The following PLEKHG7 variants were observed in gnomAD, a reference collection of about 807,000 sequenced individuals.
PLEKHG7 encodes pleckstrin homology domain-containing family G member 7.
PLEKHG7 carries 77 observed loss-of-function variants against 85.2 expected under a neutral mutation model. That is an observed-to-expected ratio of 0.90 (90% confidence interval 0.75 to 1.09). PLEKHG7 has a LOEUF of 1.09. PLEKHG7 is among the 50% of genes least tolerant of loss of function. The probability of loss-of-function intolerance (pLI) is 0.00; values close to 1 mark genes in which losing one functional copy is unlikely to be tolerated. For synonymous variants in PLEKHG7, 301 were observed against 302.4 expected, an observed-to-expected ratio of 1.00 and a Z score of 0.05; for missense variants, 777 against 804.3, an observed-to-expected ratio of 0.97 and a Z score of 0.41.
chr12:92,744,765 A>G (rs1005097305), intron 9 of PLEKHG7, among the ~76,000 whole-genome samples: 1 of 151,782 alleles, frequency 6.6e-6, no homozygotes, highest in African/African-American at 2.4e-5. Flanking sequence ...TCCTGGGTTC[A>G]AGCAATTATC....
At chr12:92,728,656 C>T (rs915455771) in intron 3 of PLEKHG7, among the ~76,000 whole-genome samples, 3 of 151,990 alleles carry the variant, frequency 2.0e-5, no homozygotes. Flanking sequence ...CATTGATAGA[C>T]ACTTAGGTCA....
At chr12:92,732,204 A>G (rs1033522942) in intron 4 of PLEKHG7, 29 bp from the exon 5 acceptor site, 9 of 1,215,634 alleles carry the variant, frequency 7.4e-6, no homozygotes, top group Non-Finnish European at 9.2e-6. Flanking sequence ...AAGTACTCGT[A>G]ATAATATATT....
rs2136567022 is a variant in PLEKHG7 at position 92,706,772 on chromosome 12, C to T, written c.141C>T (p.Thr47=). 8.1e-6 allele frequency: 13 copies of T among 1,614,036 alleles called. No individual in the cohort carries two copies. Among genetic ancestry groups the T allele is most frequent in the Non-Finnish European group, 1.1e-5 (13 of 1,180,024 alleles). Reference sequence around the variant, plus strand: ...GGCAAGCCCCAGGCCGCATCTCCACCTCGCCCACTTTGAGGAGATTAAGGA... The same window carrying T: ...GGCAAGCCCCAGGCCGCATCTCCACTTCGCCCACTTTGAGGAGATTAAGGA... ...FDRQAPGRIS[T]SPTLRRLRTR... Residue 47 remains threonine (T), a synonymous_variant, in exon 2 of 17, where the codon ACC becomes ACT. Transcript: ENST00000344636.
chr12:92,736,608 GA>G (rs1872157122), intron 6 of PLEKHG7, 31 bp downstream of exon 6: 2 of 1,195,208 alleles, frequency 1.7e-6, no homozygotes, highest in African/African-American at 1.6e-5. Flanking sequence ...TATGGGGTTT[GA>G]CTTTTTCTTT....
Position 92,706,562 on chromosome 12 carries a change from A to C in PLEKHG7, c.-70A>C. ...TGGATGCAGAAATTGAGCACCCTCC[A>C]TGTGATCCAGAGAACAGCAACTCAT... On this transcript the variant is annotated 5_prime_UTR_variant, in exon 2 of 17. The change abolishes an upstream ATG in the 5' untranslated region. Coordinates refer to ENST00000344636, the MANE Select transcript of PLEKHG7 (RefSeq NM_001377329.1). 1.3e-6 allele frequency: 2 copies of C among 1,508,184 alleles called. No individual in the cohort carries two copies. Among genetic ancestry groups the C allele is most frequent in the South Asian group, 1.4e-5 (1 of 73,916 alleles). The allele number at this position is 1,508,184 out of a possible 1,614,324, so 93.4% of individuals were successfully genotyped here.
At chr12:92,743,476 A>G (rs1244593305) in intron 9 of PLEKHG7, among the ~76,000 whole-genome samples, 3 of 152,116 alleles carry the variant, frequency 2.0e-5, no homozygotes, top group Non-Finnish European at 4.4e-5. Flanking sequence ...TAGAGAGGTT[A>G]CATAATTTAG....
At chr12:92,715,952 C>T (rs1871474530) in intron 3 of PLEKHG7, among the ~76,000 whole-genome samples, 3 of 152,160 alleles carry the variant, frequency 2.0e-5, no homozygotes, top group African/African-American at 7.2e-5. Context: ...TGTGCTGACC[C>T]CTGGCCTATA....
At chr12:92,748,882 C>T (rs775191431) in intron 10 of PLEKHG7, among the ~76,000 whole-genome samples, 1 of 152,220 alleles carries the variant, frequency 6.6e-6, no homozygotes, top group Non-Finnish European at 1.5e-5. Flanking sequence ...AGTGTTTGAG[C>T]CCTTGCTATG....
intron 9 of PLEKHG7, among the ~76,000 whole-genome samples, chr12:92,744,942 C>T (rs1385069338): frequency 1.3e-5 from 2 of 152,206 alleles, no homozygotes; most frequent in Admixed American, 1.3e-4. Flanking sequence ...GCTAGGATTA[C>T]AGGCGTGAGC....
intron 5 of PLEKHG7, among the ~76,000 whole-genome samples, chr12:92,732,553 T>C (rs1038227139): frequency 2.0e-5 from 3 of 152,228 alleles, no homozygotes; most frequent in African/African-American, 7.2e-5. Flanking sequence ...ACTAAATTTA[T>C]AACTTGCTGC....
rs201626185 is a variant in PLEKHG7, at chr12:92,716,110, T to TG, written c.530+8438_530+8439insG. On this transcript the variant is annotated intron_variant, in intron 3 of 16. Coordinates refer to ENST00000344636, the MANE Select transcript of PLEKHG7 (RefSeq NM_001377329.1). ...TGTTTTGTTTTGTTTTGTTTTGTTT[T>TG]TTTTGAGACAGAGTCTTGCTCTGTC... Among the ~76,000 whole-genome samples, 205 of 151,578 alleles carry TG rather than the reference T, an allele frequency of 1.4e-3. 1 individual carries two copies. Among genetic ancestry groups the TG allele is most frequent in the African/African-American group, 4.7e-3 (195 of 41,192 alleles).
intron 3 of PLEKHG7, among the ~76,000 whole-genome samples, chr12:92,723,329 A>G (rs1287287177): frequency 6.6e-6 from 1 of 152,208 alleles, no homozygotes; most frequent in Non-Finnish European, 1.5e-5. Context: ...GATAAGGAAA[A>G]TATGACATGA....
intron 7 of PLEKHG7, among the ~76,000 whole-genome samples, chr12:92,737,848 A>G (rs1872222279): frequency 6.7e-6 from 1 of 150,206 alleles, no homozygotes; most frequent in Non-Finnish European, 1.5e-5. Context: ...TTTATTTGTC[A>G]TTTATTTTTG....
chr12:92,709,008 G>GA lies in PLEKHG7; in HGVS notation c.530+1345dup, dbSNP rs1025536249. Among the ~76,000 whole-genome samples the GA allele has an allele frequency of 3.6e-4, 55 of 151,642 alleles. 2 individuals carry two copies. Among genetic ancestry groups the GA allele is most frequent in the Non-Finnish European group, 2.1e-4 (14 of 67,854 alleles). The stretch of plus-strand genomic sequence containing the variant: ...AAGAAAGTGGAAAAGGGTAGTCTTA[G>GA]AAAAAAAAATTATGTTTAGAGTCGA... On this transcript the variant is annotated intron_variant, in intron 3 of 16. Transcript: ENST00000344636.
chr12:92,728,785 T>C (rs531216779), intron 3 of PLEKHG7, among the ~76,000 whole-genome samples: 15 of 152,186 alleles, frequency 9.9e-5, no homozygotes, highest in Non-Finnish European at 2.2e-4. Context: ...CTGGGTTGAA[T>C]GGTAGTTCTA....
intron 15 of PLEKHG7, among the ~76,000 whole-genome samples, chr12:92,767,900 CACTG>C (rs1592691538): frequency 6.6e-6 from 1 of 152,090 alleles, no homozygotes; most frequent in African/African-American, 2.4e-5. Context: ...TGTTTCTAAA[CACTG>C]ACTATAGAAA....
intron 5 of PLEKHG7, among the ~76,000 whole-genome samples, chr12:92,735,943 A>C (rs184790520): frequency 1.6e-4 from 25 of 152,332 alleles, no homozygotes; most frequent in Admixed American, 1.6e-3. Flanking sequence ...TGACTATAAC[A>C]AAAATAAGTG....
In PLEKHG7 at chr12:92,718,566, G is replaced by C. The variant is rs1871553068; in HGVS notation, c.531-10427G>C. On this transcript the variant is annotated intron_variant, in intron 3 of 16. Coordinates refer to ENST00000344636, the MANE Select transcript of PLEKHG7 (RefSeq NM_001377329.1). ...AGGAAATTGATTGGTAGTTGGGTTT[G>C]GACATGCCTTTTAGGGAAAAATTGT... Among the ~76,000 whole-genome samples the C allele has an allele frequency of 2.0e-5, 3 of 152,280 alleles. No individual in the cohort carries two copies. In the South Asian group the frequency reaches 6.2e-4, roughly 32 times the overall value.
chr12:92,766,969 A>G (rs1306737918), intron 15 of PLEKHG7, among the ~76,000 whole-genome samples: 2 of 152,214 alleles, frequency 1.3e-5, no homozygotes, highest in Non-Finnish European at 2.9e-5. Flanking sequence ...ACATGGGCAG[A>G]GCAGCTATAG....
Sources: allele counts gnomAD v4.1 joint callset (sites outside exome capture counted in the v4.1 genomes callset), GRCh38; gene constraint gnomAD v4.1.1; transcripts MANE v1.5; gene names NCBI Gene and HGNC (gene_info 2026-07-23, HGNC 2026-07-21).